Variants in NBPF4 observed in about 807,000 individuals in gnomAD.
The protein encoded by NBPF4 is NBPF family member NBPF4.
NBPF4 carries 11 observed loss-of-function variants against 21.1 expected under a neutral mutation model. The ratio of observed to expected loss-of-function variants is 0.52; its 90% confidence interval spans 0.33 to 0.86. The LOEUF is 0.86. Among genes scored for constraint, NBPF4 ranks in the 40% least tolerant of loss-of-function variants. The pLI, the probability that NBPF4 is intolerant of heterozygous loss-of-function variation, is 0.03. For synonymous variants in NBPF4, 47 were observed against 106.4 expected (o/e 0.44, Z 3.43); for missense variants, 88 against 265.3 (o/e 0.33, Z 4.64).
Position 108,223,066 on chromosome 1 carries a change from C to G in NBPF4, c.*639G>C, listed in dbSNP as rs536573316. Among the ~76,000 whole-genome samples, 6 of 152,290 alleles carry G rather than the reference C, an allele frequency of 3.9e-5. No homozygotes were observed. The highest frequency in any genetic ancestry group is 2.1e-4 in the South Asian group (1 of 4,818). On this transcript the variant is annotated 3_prime_UTR_variant, in exon 15 of 15. Coordinates refer to ENST00000415641, the MANE Select transcript of NBPF4 (RefSeq NM_001143989.3). ...TCAGAATGTAGACCATTGAGCCAGA[C>G]AGCTGACCTGTCCTCCACAAACAAG...
At chr1:108,266,127 C>A in the NBPF4 span, among the ~76,000 whole-genome samples, 1 of 136,666 alleles carries the variant, frequency 7.3e-6, no homozygotes, top group East Asian at 2.2e-4. Flanking sequence ...TTCAAAAAAT[C>A]AACAAATCTA....
the NBPF4 span, among the ~76,000 whole-genome samples, chr1:108,266,796 G>T: frequency 4.2e-4 from 2 of 4,794 alleles, no homozygotes; most frequent in Non-Finnish European, 8.9e-4. Flanking sequence ...TCTAAGTTCT[G>T]CTTTCCCTAC....
the NBPF4 span, among the ~76,000 whole-genome samples, chr1:108,264,343 A>T: frequency 8.3e-6 from 1 of 120,040 alleles, no homozygotes; most frequent in Non-Finnish European, 1.7e-5. Context: ...AGAGCTAACT[A>T]TCCTAAATAT....
the NBPF4 span, among the ~76,000 whole-genome samples, chr1:108,256,582 C>G: frequency 1.0e-5 from 1 of 95,456 alleles, no homozygotes; most frequent in East Asian, 3.3e-4. Context: ...CCTCCCCTCC[C>G]TCCCTCTCTC....
chr1:108,222,684 G>A lies in NBPF4; in HGVS notation c.*1021C>T, dbSNP rs1558037648. On this transcript the variant is annotated 3_prime_UTR_variant, in exon 15 of 15. Transcript: ENST00000415641. The stretch of plus-strand genomic sequence containing the variant: ...GAATGCCAGCAAAAGCAAGTATAAG[G>A]TAAGATTTTGAGATAGACAATTTTC... 6.6e-6 allele frequency among the ~76,000 whole-genome samples: 1 copy of A among 152,138 alleles called. No individual in the cohort carries two copies. Among genetic ancestry groups the A allele is most frequent in the Non-Finnish European group, 1.5e-5 (1 of 68,024 alleles).
At chr1:108,244,942 A>G (rs1462663945), upstream of NBPF4, among the ~76,000 whole-genome samples, 2 of 38,266 alleles carry the variant, frequency 5.2e-5, no homozygotes, top group African/African-American at 1.9e-4. Context: ...ATATATATAT[A>G]TATATACACA....
chr1:108,252,482 T>C, the NBPF4 span, among the ~76,000 whole-genome samples: 1 of 50,488 alleles, frequency 2.0e-5, no homozygotes, highest in Non-Finnish European at 3.5e-5. Context: ...TTGTTTGGAA[T>C]AATTTCAGTA....
chr1:108,264,200 A>T, the NBPF4 span, among the ~76,000 whole-genome samples: 2 of 150,818 alleles, frequency 1.3e-5, no homozygotes, highest in Non-Finnish European at 2.9e-5. Flanking sequence ...AAAATTTACC[A>T]AGCAAATGGA....
At chr1:108,244,899 G>GAGAT (rs1491339323), upstream of NBPF4, among the ~76,000 whole-genome samples, 34 of 6,178 alleles carry the variant, frequency 5.5e-3, no homozygotes, top group African/African-American at 0.018. Context: ...AATATTGTTG[G>GAGAT]AGATATATAT....
In NBPF4 at chr1:108,229,008, A is replaced by C. The variant is rs1468414895; in HGVS notation, c.1572T>G (p.Cys524Trp). 1.3e-5 allele frequency: 20 copies of C among 1,546,058 alleles called. No individual in the cohort carries two copies. In the East Asian group the frequency reaches 4.7e-4, roughly 36 times the overall value. Residue 524 changes from cysteine (C) to tryptophan (W), a missense_variant, in exon 13 of 15, where the codon TGT becomes TGG. Transcript: ENST00000415641. The stretch of plus-strand genomic sequence containing the variant: ...GGCCCCGCTGGGCCAAGCCGTTCCC[A>C]CAGTGGAACCCTTGATCCAGCTGTA... ...LRLQLDQGFHCGNGLAQRGLS... is the reference protein window; with the variant it reads ...LRLQLDQGFHWGNGLAQRGLS...
chr1:108,268,434 A>C, the NBPF4 span, among the ~76,000 whole-genome samples: 1 of 152,238 alleles, frequency 6.6e-6, no homozygotes, highest in South Asian at 2.1e-4. Flanking sequence ...TTTCTGATTA[A>C]AAAAACAAAA....
rs1649386790 is a variant in NBPF4 at position 108,223,727 on chromosome 1, C to T, written c.1895G>A (p.Arg632Lys). ...ESAEIPNTAG[R>K]TQRMAG is the part of the protein sequence containing the mutation. ...CTTTCATCCTGCCATCCTTTGCGTC[C>T]TTCCAGCAGTATTTGGTATCTGTAG... The change falls in exon 15 of 15, where the codon AGG becomes AAG. Residue 632 changes from arginine to lysine, a missense_variant. By Grantham distance (26) the Arg-to-Lys change is conservative. Transcript: ENST00000415641. 4 of 1,560,044 alleles carry T rather than the reference C, an allele frequency of 2.6e-6. No individual in the cohort carries two copies. The highest frequency in any genetic ancestry group is 3.5e-6 in the Non-Finnish European group (4 of 1,151,842).
At chr1:108,244,941 T>TAC (rs1649790689), upstream of NBPF4, among the ~76,000 whole-genome samples, 1 of 37,160 alleles carries the variant, frequency 2.7e-5, no homozygotes, top group Non-Finnish European at 5.4e-5. Flanking sequence ...TATATATATA[T>TAC]ATATATACAC....
chr1:108,224,457 G>C (rs1286375535), intron 14 of NBPF4, among the ~76,000 whole-genome samples: 3 of 140,600 alleles, frequency 2.1e-5, no homozygotes, highest in Non-Finnish European at 4.6e-5. Flanking sequence ...CAGGAATAAG[G>C]TTTTACAGAT....
At position 108,229,175 on chromosome 1, in the gene NBPF4, T is replaced by C. The variant is rs978555005; in HGVS notation, c.1424-19A>G. 8 of 1,499,572 alleles carry C rather than the reference T, an allele frequency of 5.3e-6. No individual in the cohort carries two copies. The East Asian group carries it at 1.2e-4, about 23-fold the overall frequency. The allele number at this position is 1,499,572 out of a possible 1,614,324, so 92.9% of individuals were successfully genotyped here. ...GTGGGGGCTGAAAGGAGAAGGGGCTTCAGTAGGAACAATCTCAGTTTTCCC... is the reference window on the plus strand; with the variant it reads ...GTGGGGGCTGAAAGGAGAAGGGGCTCCAGTAGGAACAATCTCAGTTTTCCC... On this transcript the variant is annotated intron_variant, in intron 12 of 14. Coordinates refer to ENST00000415641, the MANE Select transcript of NBPF4 (RefSeq NM_001143989.3).
At chr1:108,241,548 C>T (rs577989892) in intron 3 of NBPF4, among the ~76,000 whole-genome samples, 7 of 143,638 alleles carry the variant, frequency 4.9e-5, no homozygotes, top group African/African-American at 1.8e-4. Flanking sequence ...CTCACTTTGG[C>T]CATGGGCATC....
chr1:108,223,233 G>A lies in NBPF4; in HGVS notation c.*472C>T, dbSNP rs1027679727. 1.3e-5 allele frequency: 2 copies of A among 152,912 alleles called. No homozygotes were observed. The highest frequency in any genetic ancestry group is 4.8e-5 in the African/African-American group (2 of 41,438). 9.5% of individuals were successfully genotyped at this position (152,912 alleles called of 1,614,324 possible). ...TCTTCTCCTTTTTGTTGTGTTCTTG[G>A]TGGTGACATGGACTGTTTGAAGGAG... is the stretch of plus-strand genomic sequence containing the variant. On this transcript the variant is annotated 3_prime_UTR_variant, in exon 15 of 15. Coordinates refer to ENST00000415641, the MANE Select transcript of NBPF4 (RefSeq NM_001143989.3).
chr1:108,222,881 A>G lies in NBPF4; in HGVS notation c.*824T>C, dbSNP rs1046727887. Among the ~76,000 whole-genome samples the G allele has an allele frequency of 4.6e-5, 7 of 152,160 alleles. No homozygotes were observed. Among genetic ancestry groups the G allele is most frequent in the Admixed American group, 1.3e-4 (2 of 15,278 alleles). Reference sequence around the variant, plus strand: ...GGACAGAGCTCCTAGACCCCTCCTTAACCAAGTGACCATCCTAGTATCACC... The same window carrying G: ...GGACAGAGCTCCTAGACCCCTCCTTGACCAAGTGACCATCCTAGTATCACC... On this transcript the variant is annotated 3_prime_UTR_variant, in exon 15 of 15. Transcript: ENST00000415641.
intron 14 of NBPF4, among the ~76,000 whole-genome samples, chr1:108,226,244 CAA>C (rs1459279959): frequency 2.6e-5 from 4 of 151,218 alleles, no homozygotes; most frequent in Non-Finnish European, 4.4e-5. Context: ...AAAGAAGACT[CAA>C]GAGGAAAATC....
Sources: gnomAD v4.1 joint callset for allele counts (sites outside exome capture counted in the v4.1 genomes callset) on GRCh38, gnomAD v4.1.1 for gene constraint, MANE v1.5 for transcripts, NCBI Gene and HGNC (gene_info 2026-07-23, HGNC 2026-07-21) for gene names.